Variants in MPEG1 observed in about 807,000 individuals in gnomAD.
MPEG1 encodes the protein macrophage-expressed gene 1 protein.
For missense variants in MPEG1, 876 were observed against 880.3 expected (o/e 1.00, Z 0.06); for synonymous variants, 365 against 351.9 (o/e 1.04, Z -0.42).
At position 59,211,065 on chromosome 11, in the gene MPEG1, G is replaced by A. The variant is rs370006998; in HGVS notation, c.1801C>T (p.Leu601Phe). ...ARLPPFTRPPLMSQAATNTVI... is the reference protein window; with the variant it reads ...ARLPPFTRPPFMSQAATNTVI... Reference sequence around the variant, plus strand: ...GTATTGGTGGCAGCCTGACTCATGAGGGGTGGCCGGGTGAAAGGTGGGAGC... The same window carrying A: ...GTATTGGTGGCAGCCTGACTCATGAAGGGTGGCCGGGTGAAAGGTGGGAGC... Residue 601 changes from leucine to phenylalanine, a missense_variant, in exon 1 of 1, where the codon CTC (leucine) becomes TTC (phenylalanine). By Grantham distance (22) the Leu-to-Phe change is conservative. Coordinates refer to ENST00000361050, the MANE Select transcript of MPEG1 (RefSeq NM_001039396.2). 1.9e-6 allele frequency: 3 copies of A among 1,614,092 alleles called. No individual in the cohort carries two copies. The highest frequency in any genetic ancestry group is 4.5e-5 in the East Asian group (2 of 44,890).
rs144655165 is a variant in MPEG1 at position 59,212,905 on chromosome 11, G to A, written c.-40C>T. 607 of 1,556,132 alleles carry A rather than the reference G, an allele frequency of 3.9e-4. 3 individuals are homozygous for A. In the African/African-American group the frequency reaches 7.2e-3, roughly 18 times the overall value. ...CAGCCACTCACCAGCCCTACACAGCGGCCAGCAAGCTTTGGGCAAACTAAG... is the reference window on the plus strand; with the variant it reads ...CAGCCACTCACCAGCCCTACACAGCAGCCAGCAAGCTTTGGGCAAACTAAG... On this transcript the variant is annotated 5_prime_UTR_variant, in exon 1 of 1. Coordinates refer to ENST00000361050, the MANE Select transcript of MPEG1 (RefSeq NM_001039396.2).
Position 59,211,732 on chromosome 11 carries a change from G to A in MPEG1, c.1134C>T (p.Phe378=), listed in dbSNP as rs369776874. 199 of 1,614,048 alleles carry A rather than the reference G, an allele frequency of 1.2e-4. No individual in the cohort carries two copies. The highest frequency in any genetic ancestry group is 2.7e-4 in the African/African-American group (20 of 74,914). ...GAGTGCATTCCTGATAAACCCCACCGAAAGAGAAGTTGGTCATTTTCCCCT... is the reference window on the plus strand; with the variant it reads ...GAGTGCATTCCTGATAAACCCCACCAAAAGAGAAGTTGGTCATTTTCCCCT... The part of the protein sequence containing the change: ...SCEGKMTNFS[F]GGVYQECTQL... The change falls in exon 1 of 1, where the codon TTC becomes TTT. Residue 378 remains phenylalanine, a synonymous_variant. Transcript: ENST00000361050.
In MPEG1 at chr11:59,210,452, G is replaced by T; in HGVS notation, c.*263C>A. ...GCTATTTTTACACAAATGCATTCAG[G>T]TGAAGACAGCAACACACATTGGGAA... On this transcript the variant is annotated 3_prime_UTR_variant, in exon 1 of 1. Coordinates refer to ENST00000361050, the MANE Select transcript of MPEG1 (RefSeq NM_001039396.2). 2.2e-6 allele frequency: 1 copy of T among 456,528 alleles called. No homozygotes were observed. 28.3% of individuals were successfully genotyped at this position (456,528 alleles called of 1,614,324 possible).
Position 59,212,894 on chromosome 11 carries a change from C to CGG in MPEG1, c.-30_-29insCC. The CGG allele has an allele frequency of 6.3e-7, 1 of 1,577,788 alleles. No homozygotes were observed. Among genetic ancestry groups the CGG allele is most frequent in the Non-Finnish European group, 8.6e-7 (1 of 1,156,236 alleles). On this transcript the variant is annotated 5_prime_UTR_variant, in exon 1 of 1. Transcript: ENST00000361050. The stretch of plus-strand genomic sequence containing the variant: ...TCAGACAGCCCCAGCCACTCACCAG[C>CGG]CCTACACAGCGGCCAGCAAGCTTTG...
Position 59,210,775 on chromosome 11 carries a change from A to T in MPEG1, c.2091T>A (p.Val697=), listed in dbSNP as rs761941803. The T allele has an allele frequency of 6.2e-7, 1 of 1,614,122 alleles. No individual in the cohort carries two copies. The highest frequency in any genetic ancestry group is 1.1e-5 in the South Asian group (1 of 91,072). ...TGTCTCCAGTTGCTGCAGTGCCTGG[A>T]ACCAAACTCTGCCTTTCCTCAATTG... ...YQAIEERQSL[V]PGTAATGDTT... The change falls in exon 1 of 1, where the codon GTT becomes GTA. Residue 697 remains valine, a synonymous_variant. Coordinates refer to ENST00000361050, the MANE Select transcript of MPEG1 (RefSeq NM_001039396.2).
chr11:59,210,548 T>A lies in MPEG1; in HGVS notation c.*167A>T. 1.5e-6 allele frequency: 1 copy of A among 649,130 alleles called. No individual in the cohort carries two copies. The highest frequency in any genetic ancestry group is 3.0e-5 in the Admixed American group (1 of 33,742). The allele number at this position is 649,130 out of a possible 1,614,324, so 40.2% of individuals were successfully genotyped here. On this transcript the variant is annotated 3_prime_UTR_variant, in exon 1 of 1. Coordinates refer to ENST00000361050, the MANE Select transcript of MPEG1 (RefSeq NM_001039396.2). The stretch of plus-strand genomic sequence containing the variant: ...AGTCCCAACTGTTCCCTCTCCCCAA[T>A]CCCAACCTTATCCATGTAACAGTAT...
Position 59,212,590 on chromosome 11 carries a change from G to A in MPEG1, c.276C>T (p.Ser92=). 1 of 1,614,182 alleles carries A rather than the reference G, an allele frequency of 6.2e-7. No individual in the cohort carries two copies. The highest frequency in any genetic ancestry group is 1.1e-5 in the South Asian group (1 of 91,080). ...DEIFTIPQKQ[S]NLEMNSEILE... is the part of the protein sequence containing the mutation. ...GGATTTCTGAGTTCATCTCCAGGTT[G>A]CTCTGTTTCTGGGGAATGGTGAAGA... Residue 92 remains serine, a synonymous_variant, in exon 1 of 1, where the codon AGC becomes AGT. Transcript: ENST00000361050.
chr11:59,210,732 C>T lies in MPEG1; in HGVS notation c.2134G>A (p.Gly712Arg), dbSNP rs775855717. ...ATGDTTYQEQ[G>R]QSPA ...GGAGAGATTTAAGCTGGACTCTGCC[C>T]CTGCTCTTGGTAAGTGGTGTCTCCA... The change falls in exon 1 of 1, where the codon GGG (glycine) becomes AGG (arginine). Residue 712 changes from glycine to arginine, a missense_variant. By Grantham distance (125) the Gly-to-Arg change is moderately radical (BLOSUM62 -2). Coordinates refer to ENST00000361050, the MANE Select transcript of MPEG1 (RefSeq NM_001039396.2). 11 of 1,613,994 alleles carry T rather than the reference C, an allele frequency of 6.8e-6. No individual in the cohort carries two copies. Among genetic ancestry groups the T allele is most frequent in the South Asian group, 4.4e-5 (4 of 91,064 alleles).
rs1862910009 is a variant in MPEG1 at position 59,212,540 on chromosome 11, C to T, written c.326G>A (p.Ser109Asn). Residue 109 changes from serine (S) to asparagine (N), a missense_variant, in exon 1 of 1, where the codon AGT (serine) becomes AAT (asparagine). Transcript: ENST00000361050. Reference protein sequence around the residue: ...EILESWANYQSSTSYSINTEL... With the variant: ...EILESWANYQNSTSYSINTEL... Reference sequence around the variant, plus strand: ...TGTGTTGATGGAGTAGGAGGTGCTACTCTGGTAATTTGCCCAGGATTCCAG... The same window carrying T: ...TGTGTTGATGGAGTAGGAGGTGCTATTCTGGTAATTTGCCCAGGATTCCAG... 6.2e-7 allele frequency: 1 copy of T among 1,614,090 alleles called. No homozygotes were observed. Among genetic ancestry groups the T allele is most frequent in the African/African-American group, 1.3e-5 (1 of 74,916 alleles).
chr11:59,212,866 G>A lies in MPEG1; in HGVS notation c.-1C>T, dbSNP rs911166595. On this transcript the variant is annotated 5_prime_UTR_variant, in exon 1 of 1. Transcript: ENST00000361050. ...GGATGGTGGCCCTGAAGTTGTTCAT[G>A]GCTCAGACAGCCCCAGCCACTCACC... is the stretch of plus-strand genomic sequence containing the variant. 11 of 1,611,560 alleles carry A rather than the reference G, an allele frequency of 6.8e-6. No individual in the cohort carries two copies. In the African/African-American group the frequency reaches 1.5e-4, roughly 22 times the overall value.
Position 59,212,282 on chromosome 11 carries a change from T to G in MPEG1, c.584A>C (p.Glu195Ala). ...GGTGCCATAGTTGAGCACCAGGAGT[T>G]CTGCCAGGTAGGTGGCCATCCTCGT... ...NQTRMATYLAELLVLNYGTHV... is the reference protein window; with the variant it reads ...NQTRMATYLAALLVLNYGTHV... The change falls in exon 1 of 1, where the codon GAA becomes GCA. Residue 195 changes from glutamate (E) to alanine (A), a missense_variant. Coordinates refer to ENST00000361050, the MANE Select transcript of MPEG1 (RefSeq NM_001039396.2). 6.2e-7 allele frequency: 1 copy of G among 1,613,892 alleles called. No homozygotes were observed. The highest frequency in any genetic ancestry group is 8.5e-7 in the Non-Finnish European group (1 of 1,180,024).
Position 59,212,738 on chromosome 11 carries a change from A to C in MPEG1, c.128T>G (p.Leu43Arg). The change falls in exon 1 of 1, where the codon CTG becomes CGG. Residue 43 changes from leucine (L) to arginine (R), a missense_variant. Transcript: ENST00000361050. ...KCKNALKLPV[L>R]EVLPGGGWDN... ...CCAGCCCCCTCCAGGTAGGACTTCC[A>C]GGACAGGTAGTTTCAAGGCATTCTT... The C allele has an allele frequency of 6.2e-7, 1 of 1,614,226 alleles. No individual in the cohort carries two copies.
In MPEG1 at chr11:59,211,540, G is replaced by A. The variant is rs779745617; in HGVS notation, c.1326C>T (p.Leu442=). 15 of 1,614,072 alleles carry A rather than the reference G, an allele frequency of 9.3e-6. No individual in the cohort carries two copies. The highest frequency in any genetic ancestry group is 2.2e-5 in the East Asian group (1 of 44,888). Residue 442 remains leucine (L), a synonymous_variant, in exon 1 of 1, where the codon CTC becomes CTT. Transcript: ENST00000361050. ...CTTCACACACGGTCTTGCAGAAGAC[G>A]AGGAGAGTGCACTTTCGATGACACT... ...HLECHRKCTL[L]VFCKTVCEDV...
At position 59,212,648 on chromosome 11, in the gene MPEG1, G is replaced by C; in HGVS notation, c.218C>G (p.Thr73Arg). The C allele has an allele frequency of 5.0e-6, 8 of 1,614,240 alleles. No homozygotes were observed. Among genetic ancestry groups the C allele is most frequent in the South Asian group, 1.1e-5 (1 of 91,084 alleles). Reference sequence around the variant, plus strand: ...AGGGATGATATACTGTCCATCCTCTGTTGTCCTGCAGTTGGAGTAAGTCAA... The same window carrying C: ...AGGGATGATATACTGTCCATCCTCTCTTGTCCTGCAGTTGGAGTAAGTCAA... ...MELTYSNCRTTEDGQYIIPDE... is the reference protein window; with the variant it reads ...MELTYSNCRTREDGQYIIPDE... The change falls in exon 1 of 1, where the codon ACA becomes AGA. Residue 73 changes from threonine to arginine, a missense_variant. Coordinates refer to ENST00000361050, the MANE Select transcript of MPEG1 (RefSeq NM_001039396.2).
At position 59,211,863 on chromosome 11, in the gene MPEG1, C is replaced by G. The variant is rs768275646; in HGVS notation, c.1003G>C (p.Glu335Gln). Residue 335 changes from glutamate (E) to glutamine (Q), a missense_variant, in exon 1 of 1, where the codon GAA becomes CAA. Coordinates refer to ENST00000361050, the MANE Select transcript of MPEG1 (RefSeq NM_001039396.2). ...GTATAATAGCGCTTCACAGCAGTTT[C>G]CACTGTCTTTGACACCTTCTTCACC... ...PLVKKVSKTV[E>Q]TAVKRYYTFN... 3 of 1,614,162 alleles carry G rather than the reference C, an allele frequency of 1.9e-6. No individual in the cohort carries two copies. The highest frequency in any genetic ancestry group is 2.5e-6 in the Non-Finnish European group (3 of 1,180,018).
chr11:59,209,012 A>C lies in MPEG1; in HGVS notation c.*1703T>G, dbSNP rs964845996. 1.3e-5 allele frequency: 2 copies of C among 152,250 alleles called. No homozygotes were observed. Among genetic ancestry groups the C allele is most frequent in the Admixed American group, 1.3e-4 (2 of 15,290 alleles). 9.4% of individuals were successfully genotyped at this position (152,250 alleles called of 1,614,324 possible). A position where few individuals can be genotyped will look rare whatever the true frequency, so the allele number is the denominator to read the frequency against. ...AATTCATAGGAAAGTCAGTACTTGCAGACAAGTGGTTAGCTTGGCTAAAAT... is the reference window on the plus strand; with the variant it reads ...AATTCATAGGAAAGTCAGTACTTGCCGACAAGTGGTTAGCTTGGCTAAAAT... On this transcript the variant is annotated 3_prime_UTR_variant, in exon 1 of 1. Transcript: ENST00000361050.
chr11:59,212,650 T>C lies in MPEG1; in HGVS notation c.216A>G (p.Thr72=), dbSNP rs369723213. 1.8e-5 allele frequency: 29 copies of C among 1,614,268 alleles called. No homozygotes were observed. The highest frequency in any genetic ancestry group is 2.4e-5 in the Non-Finnish European group (28 of 1,180,042). ...VMELTYSNCR[T]TEDGQYIIPD... ...GGATGATATACTGTCCATCCTCTGTTGTCCTGCAGTTGGAGTAAGTCAATT... is the reference window on the plus strand; with the variant it reads ...GGATGATATACTGTCCATCCTCTGTCGTCCTGCAGTTGGAGTAAGTCAATT... The change falls in exon 1 of 1, where the codon ACA becomes ACG. Residue 72 remains threonine, a synonymous_variant. Coordinates refer to ENST00000361050, the MANE Select transcript of MPEG1 (RefSeq NM_001039396.2).
chr11:59,210,730 C>G lies in MPEG1; in HGVS notation c.2136G>C (p.Gly712=), dbSNP rs1434421222. ...GGGGAGAGATTTAAGCTGGACTCTGCCCCTGCTCTTGGTAAGTGGTGTCTC... is the reference window on the plus strand; with the variant it reads ...GGGGAGAGATTTAAGCTGGACTCTGGCCCTGCTCTTGGTAAGTGGTGTCTC... The part of the protein sequence containing the change: ...ATGDTTYQEQ[G]QSPA Residue 712 remains glycine (G), a synonymous_variant, in exon 1 of 1, where the codon GGG becomes GGC. Transcript: ENST00000361050. The G allele has an allele frequency of 6.2e-7, 1 of 1,613,748 alleles. No homozygotes were observed. Among genetic ancestry groups the G allele is most frequent in the Admixed American group, 1.7e-5 (1 of 60,010 alleles).
rs947294062 is a variant in MPEG1, at chr11:59,209,408, G to A, written c.*1307C>T. On this transcript the variant is annotated 3_prime_UTR_variant, in exon 1 of 1. Transcript: ENST00000361050. ...AAAATATTGTAGGGGGATCATGAAA[G>A]TAGTGGAGGTAATTACAATCAGGAG... 1.6e-4 allele frequency: 24 copies of A among 152,186 alleles called. No individual in the cohort carries two copies. Among genetic ancestry groups the A allele is most frequent in the African/African-American group, 5.6e-4 (23 of 41,440 alleles). The allele number at this position is 152,186 out of a possible 1,614,324, so 9.4% of individuals were successfully genotyped here. A position where few individuals can be genotyped will look rare whatever the true frequency, so the allele number is the denominator to read the frequency against.
Sources: gnomAD v4.1 joint callset for allele counts on GRCh38, gnomAD v4.1.1 for gene constraint, MANE v1.5 for transcripts, NCBI Gene and HGNC (gene_info 2026-07-23, HGNC 2026-07-21) for gene names.